The following PARD3B variants were observed in gnomAD, a reference collection of about 807,000 sequenced individuals.
PARD3B encodes the protein partitioning defective 3 homolog B.
PARD3B carries 103 observed loss-of-function variants against 130.2 expected under a neutral mutation model. The observed-to-expected ratio is 0.79, with a 90% CI of 0.67 to 0.93. The LOEUF (loss-of-function observed/expected upper bound fraction) is 0.93. Among genes scored for constraint, PARD3B ranks in the 40% least tolerant of loss-of-function variants. The pLI is 0.00. For missense variants in PARD3B, 1,609 were observed against 1,499.2 expected, an observed-to-expected ratio of 1.07 and a Z score of -1.21; for synonymous variants, 583 against 553.2, an observed-to-expected ratio of 1.05 and a Z score of -0.76.
At chr2:205,052,103 C>T (rs970792922) in intron 4 of PARD3B, among the ~76,000 whole-genome samples, 4 of 151,992 alleles carry the variant, frequency 2.6e-5, no homozygotes, top group African/African-American at 4.8e-5. Flanking sequence ...TGCCATAAAA[C>T]AAGGTTCTTG....
chr2:204,894,229 GA>G (rs1412743681), intron 2 of PARD3B, among the ~76,000 whole-genome samples: 2 of 152,080 alleles, frequency 1.3e-5, no homozygotes, highest in Admixed American at 6.6e-5. Flanking sequence ...CCTTTGCAAA[GA>G]ATGTGTGTAT....
intron 1 of PARD3B, among the ~76,000 whole-genome samples, chr2:204,667,642 A>G (rs1049413822): frequency 6.6e-6 from 1 of 152,102 alleles, no homozygotes; most frequent in Non-Finnish European, 1.5e-5. Context: ...CTTCTAGTCT[A>G]ATTTTTTGTG....
At chr2:205,538,396 C>T (rs2051960055) in intron 21 of PARD3B, among the ~76,000 whole-genome samples, 2 of 152,194 alleles carry the variant, frequency 1.3e-5, no homozygotes, top group South Asian at 4.1e-4. Context: ...TTGTGAAAGG[C>T]TTGGATGCCA....
In PARD3B at chr2:205,269,853, A is replaced by C. The variant is rs975927229; in HGVS notation, c.2185+24031A>C. Among the ~76,000 whole-genome samples the C allele has an allele frequency of 2.0e-5, 3 of 152,162 alleles. No individual in the cohort carries two copies. Among genetic ancestry groups the C allele is most frequent in the Non-Finnish European group, 4.4e-5 (3 of 68,022 alleles). ...CAGTATTTTCTAGAGAATTATCTGG[A>C]TACTCTCATCAATATATCCTAATTC... On this transcript the variant is annotated intron_variant, in intron 16 of 22. Coordinates refer to ENST00000406610, the MANE Select transcript of PARD3B (RefSeq NM_001302769.2). This position sits in a 1 kb window ranked among gnomAD's most constrained non-coding sequence, Gnocchi z 4.7.
chr2:205,123,836 A>G lies in PARD3B; in HGVS notation c.1166-491A>G, dbSNP rs550039729. 2.0e-5 allele frequency among the ~76,000 whole-genome samples: 3 copies of G among 151,960 alleles called. No individual in the cohort carries two copies. The East Asian group carries it at 5.8e-4, about 30-fold the overall frequency. ...GTGAAAAATACATGAGAAGGGAGAAATTGGAGATGCAGGAGAACAGGACAG... is the reference window on the plus strand; with the variant it reads ...GTGAAAAATACATGAGAAGGGAGAAGTTGGAGATGCAGGAGAACAGGACAG... On this transcript the variant is annotated intron_variant, in intron 8 of 22. Coordinates refer to ENST00000406610, the MANE Select transcript of PARD3B (RefSeq NM_001302769.2).
At chr2:205,181,338 T>A (rs1335099172) in intron 13 of PARD3B, among the ~76,000 whole-genome samples, 2 of 152,232 alleles carry the variant, frequency 1.3e-5, no homozygotes, top group Non-Finnish European at 1.5e-5. Flanking sequence ...GATTGAATTA[T>A]ACGTTTCAAT....
chr2:205,548,114 G>GTGTT (rs2052456223), intron 21 of PARD3B, among the ~76,000 whole-genome samples: 1 of 152,070 alleles, frequency 6.6e-6, no homozygotes, highest in Non-Finnish European at 1.5e-5. Flanking sequence ...CCTGGGTTCA[G>GTGTT]TGTTTTTGGC....
In PARD3B at chr2:205,176,556, A is replaced by C. The variant is rs773457751; in HGVS notation, c.1903A>C (p.Ser635Arg). The part of the protein sequence containing the change: ...NSILHPLGTC[S>R]PQDKQKGLLL... ...TATCCTGCATCCACTTGGCACTTGC[A>C]GTCCACAAGACAAACAGAAAGGTAA... The change falls in exon 13 of 23, where the codon AGT (serine) becomes CGT (arginine). Residue 635 changes from serine (S) to arginine (R), a missense_variant. By Grantham distance (110) the Ser-to-Arg change is moderately radical. Transcript: ENST00000406610. This position sits in a 1 kb window ranked among gnomAD's most constrained non-coding sequence, Gnocchi z 5.3. The C allele has an allele frequency of 1.8e-5, 29 of 1,611,466 alleles. No individual in the cohort carries two copies. In the South Asian group the frequency reaches 3.1e-4, roughly 17 times the overall value.
chr2:204,574,751 GTGTGTCTT>G (rs1021402088), intron 1 of PARD3B, among the ~76,000 whole-genome samples: 3 of 152,284 alleles, frequency 2.0e-5, no homozygotes, highest in African/African-American at 4.8e-5. Flanking sequence ...AACAATCTAA[GTGTGTCTT>G]CTGTATCATG....
chr2:204,709,702 T>C (rs1298627833), intron 2 of PARD3B, among the ~76,000 whole-genome samples: 2 of 152,072 alleles, frequency 1.3e-5, no homozygotes, highest in African/African-American at 4.8e-5. Context: ...TTTTCTGGGG[T>C]TCAACACTGA....
Position 205,183,732 on chromosome 2 carries a change from G to T in PARD3B, c.1925-2032G>T, listed in dbSNP as rs1193489227. 1.2e-5 allele frequency among the ~76,000 whole-genome samples: 1 copy of T among 80,586 alleles called. No homozygotes were observed. Among genetic ancestry groups the T allele is most frequent in the African/African-American group, 6.3e-5 (1 of 15,878 alleles). 52.9% of individuals were successfully genotyped at this position (80,586 alleles called of 152,430 possible). ...TTCTGCAGAGAAACAGAACCAAGTT[G>T]TGTGTGTGTGTGTGTGTGTGTGTGT... On this transcript the variant is annotated intron_variant, in intron 13 of 22. Transcript: ENST00000406610. This position sits in a 1 kb window ranked among gnomAD's most constrained non-coding sequence, Gnocchi z 5.2.
intron 1 of PARD3B, among the ~76,000 whole-genome samples, chr2:204,631,978 G>A (rs1283932672): frequency 6.6e-6 from 1 of 152,146 alleles, no homozygotes; most frequent in African/African-American, 2.4e-5. Context: ...AGTGAAAGAA[G>A]TCTTATTTAT....
intron 21 of PARD3B, among the ~76,000 whole-genome samples, chr2:205,552,362 G>C (rs940489539): frequency 1.3e-4 from 20 of 152,110 alleles, no homozygotes; most frequent in Non-Finnish European, 2.5e-4. Context: ...AGCAACCCTT[G>C]TTAGTAAAGA....
chr2:205,305,147 A>G (rs983965694), intron 18 of PARD3B, among the ~76,000 whole-genome samples: 4 of 152,182 alleles, frequency 2.6e-5, no homozygotes, highest in African/African-American at 9.7e-5. Context: ...AGGATTGCTC[A>G]TTTCCAAATT....
intron 2 of PARD3B, among the ~76,000 whole-genome samples, chr2:204,925,361 G>A (rs1400123921): frequency 6.6e-5 from 10 of 151,906 alleles, no homozygotes; most frequent in African/African-American, 1.7e-4. Context: ...TTTGTAGCTG[G>A]GATTGAGACA....
intron 7 of PARD3B, among the ~76,000 whole-genome samples, chr2:205,120,048 T>C (rs1390514824): frequency 6.6e-6 from 1 of 152,128 alleles, no homozygotes; most frequent in Non-Finnish European, 1.5e-5. Context: ...CAATATTGTA[T>C]GCGTGTTTGT....
chr2:205,391,013 A>G (rs918049923), intron 18 of PARD3B, among the ~76,000 whole-genome samples: 3 of 152,300 alleles, frequency 2.0e-5, no homozygotes, highest in African/African-American at 7.2e-5. Flanking sequence ...GTCAATGGTA[A>G]CTTCAGAGCT....
chr2:205,274,479 A>G lies in PARD3B; in HGVS notation c.2186-26051A>G, dbSNP rs2040861536. Among the ~76,000 whole-genome samples, 1 of 152,006 alleles carries G rather than the reference A, an allele frequency of 6.6e-6. No homozygotes were observed. ...TTCACCTCATTGGTAAGTTCTTGCA[A>G]TATTTATTATTAAACATTAATTATT... is the stretch of plus-strand genomic sequence containing the variant. On this transcript the variant is annotated intron_variant, in intron 16 of 22. Transcript: ENST00000406610. This position sits in a 1 kb window ranked among gnomAD's most constrained non-coding sequence, Gnocchi z 4.2.
intron 19 of PARD3B, among the ~76,000 whole-genome samples, chr2:205,406,659 CTTTTTTTTTTTT>C (rs777517284): frequency 3.4e-5 from 3 of 87,424 alleles, no homozygotes; most frequent in South Asian, 8.0e-4. Context: ...TCTTGTGTAT[CTTTTTTTTTTTT>C]TTTTTTTTTT....
Sources: allele counts gnomAD v4.1 joint callset (sites outside exome capture counted in the v4.1 genomes callset), GRCh38; gene constraint gnomAD v4.1.1; non-coding constraint Gnocchi (gnomAD v3.1); transcripts MANE v1.5; gene names NCBI Gene and HGNC (gene_info 2026-07-23, HGNC 2026-07-21).